The following KIAA1217 variants were observed in gnomAD, a reference collection of about 807,000 sequenced individuals.
KIAA1217 encodes the protein KIAA1217, also known as sickle tail protein homolog.
In KIAA1217, 88 loss-of-function variants were observed where a neutral mutation model predicts 163.9. That is an observed-to-expected ratio of 0.54 (90% CI 0.45 to 0.64). KIAA1217 has a LOEUF of 0.64. KIAA1217 is among the 30% of genes least tolerant of loss of function. KIAA1217 has a pLI of 0.00. For missense variants in KIAA1217, 2,372 were observed against 2,475.0 expected, an observed-to-expected ratio of 0.96 and a Z score of 0.88; for synonymous variants, 903 against 923.1, an observed-to-expected ratio of 0.98 and a Z score of 0.39.
chr10:24,310,478 A>G (rs1257286511), intron 2 of KIAA1217, among the ~76,000 whole-genome samples: 8 of 152,216 alleles, frequency 5.3e-5, no homozygotes. Context: ...AGAACCCCAG[A>G]GTTTTTATTT....
At chr10:24,005,054 G>T (rs948209067) in intron 1 of KIAA1217, among the ~76,000 whole-genome samples, 1 of 152,202 alleles carries the variant, frequency 6.6e-6, no homozygotes, top group Admixed American at 6.5e-5. Context: ...ACTATTACAC[G>T]CACAGAAAAA....
intron 6 of KIAA1217, among the ~76,000 whole-genome samples, chr10:24,486,871 G>A (rs935449606): frequency 2.6e-5 from 4 of 152,012 alleles, no homozygotes; most frequent in Non-Finnish European, 4.4e-5. Flanking sequence ...TAACCTCCAC[G>A]TAAGCAAGGA....
At chr10:23,765,660 C>T (rs1301594939) in intron 1 of KIAA1217, among the ~76,000 whole-genome samples, 2 of 152,128 alleles carry the variant, frequency 1.3e-5, no homozygotes, top group Non-Finnish European at 2.9e-5. Context: ...TGAGTGAGTT[C>T]TCACAAGATC....
intron 2 of KIAA1217, among the ~76,000 whole-genome samples, chr10:24,178,742 G>A (rs939942064): frequency 5.9e-5 from 9 of 152,156 alleles, no homozygotes; most frequent in Non-Finnish European, 1.2e-4. Context: ...AAGTGGCTCT[G>A]TGATATGACA....
chr10:24,227,931 C>T (rs1232707437), intron 2 of KIAA1217, among the ~76,000 whole-genome samples: 1 of 152,130 alleles, frequency 6.6e-6, no homozygotes, highest in Non-Finnish European at 1.5e-5. Flanking sequence ...GCCCCTCAGG[C>T]TTCCTTAGGG....
Position 24,543,843 on chromosome 10 carries a change from T to G in KIAA1217, c.4573T>G (p.Ser1525Ala). ...GGTGGAAACAAAGTCACAGCCACAC[T>G]CCCTGGCCACAGAGACCAGAAACCC... is the stretch of plus-strand genomic sequence containing the variant. ...QQVETKSQPH[S>A]LATETRNPGG... is the part of the protein sequence containing the mutation. Residue 1525 changes from serine to alanine, a missense_variant, in exon 19 of 21, where the codon TCC (serine) becomes GCC (alanine). Physicochemically the swap from Ser to Ala is moderately conservative, Grantham distance 99. Coordinates refer to ENST00000376454, the MANE Select transcript of KIAA1217 (RefSeq NM_019590.5). The G allele has an allele frequency of 6.2e-7, 1 of 1,613,680 alleles. No homozygotes were observed. Among genetic ancestry groups the G allele is most frequent in the Non-Finnish European group, 8.5e-7 (1 of 1,179,980 alleles).
chr10:23,875,876 A>G (rs1453041606), intron 1 of KIAA1217, among the ~76,000 whole-genome samples: 1 of 147,680 alleles, frequency 6.8e-6, no homozygotes, highest in Non-Finnish European at 1.5e-5. Flanking sequence ...GCATGTCCTC[A>G]CTCATAGGTG....
chr10:24,087,543 G>A (rs192516871), intron 2 of KIAA1217, among the ~76,000 whole-genome samples: 1 of 152,260 alleles, frequency 6.6e-6, no homozygotes, highest in East Asian at 1.9e-4. Flanking sequence ...AGAGTGCTTG[G>A]CAAACATAAT....
intron 1 of KIAA1217, among the ~76,000 whole-genome samples, chr10:23,792,849 T>A (rs979464199): frequency 2.0e-5 from 3 of 152,084 alleles, no homozygotes; most frequent in African/African-American, 7.2e-5. Context: ...ACTCTAAGCT[T>A]CTGTGGCCTT....
chr10:23,885,320 A>G (rs1326528824), intron 1 of KIAA1217, among the ~76,000 whole-genome samples: 1 of 151,936 alleles, frequency 6.6e-6, no homozygotes, highest in African/African-American at 2.4e-5. Flanking sequence ...TCTACGGTAC[A>G]ATATTATTAA....
intron 2 of KIAA1217, among the ~76,000 whole-genome samples, chr10:24,303,294 G>A (rs1299725956): frequency 1.3e-5 from 2 of 152,138 alleles, no homozygotes; most frequent in South Asian, 2.1e-4. Context: ...AGGATTACAG[G>A]CATGAGCCAC....
chr10:23,870,593 G>T (rs1455218325), intron 1 of KIAA1217, among the ~76,000 whole-genome samples: 1 of 152,098 alleles, frequency 6.6e-6, no homozygotes, highest in Non-Finnish European at 1.5e-5. Flanking sequence ...TGTTTATTCT[G>T]TGCTAAGCAG....
rs112052683 is a variant in KIAA1217 at position 23,835,438 on chromosome 10, C to G, written c.-321+140204C>G. ...GGCATATTTATTCCCAGGAGATAAC[C>G]CCTCCACCCCCTGCTAGCATCTGCA... On this transcript the variant is annotated intron_variant, in intron 1 of 18. Coordinates refer to the KIAA1217 transcript ENST00000376462. 5.2e-3 allele frequency among the ~76,000 whole-genome samples: 790 copies of G among 152,146 alleles called. 11 individuals carry two copies. The highest frequency in any genetic ancestry group is 0.017 in the African/African-American group (713 of 41,500).
chr10:23,799,006 CTG>C (rs1222468432), intron 1 of KIAA1217, among the ~76,000 whole-genome samples: 8 of 152,160 alleles, frequency 5.3e-5, no homozygotes, highest in Admixed American at 2.0e-4. Context: ...CCTCTGAGGA[CTG>C]TGAGAGAGAA....
chr10:23,741,322 A>G (rs1025752251), intron 1 of KIAA1217, among the ~76,000 whole-genome samples: 4 of 152,168 alleles, frequency 2.6e-5, no homozygotes, highest in African/African-American at 9.7e-5. Flanking sequence ...CCATGCCTCA[A>G]GTCACCGTAG....
chr10:24,192,159 G>A (rs763861635), intron 2 of KIAA1217, among the ~76,000 whole-genome samples: 9 of 152,218 alleles, frequency 5.9e-5, no homozygotes, highest in African/African-American at 9.6e-5. Context: ...TTATGCATAC[G>A]TCTGGTGAAG....
chr10:23,856,674 T>A lies in KIAA1217; in HGVS notation c.-320-150551T>A, dbSNP rs183946006. Among the ~76,000 whole-genome samples, 90 of 152,392 alleles carry A rather than the reference T, an allele frequency of 5.9e-4. 1 individual carries two copies. The highest frequency in any genetic ancestry group is 2.2e-3 in the African/African-American group (90 of 41,608). ...GTGGTGGGCACCACCCAGTTCGAGC[T>A]TCCCCACTGCTTTGTTTACCTAAGC... On this transcript the variant is annotated intron_variant, in intron 1 of 18. Transcript: ENST00000376462.
At chr10:24,346,674 G>A (rs1041402280) in intron 2 of KIAA1217, among the ~76,000 whole-genome samples, 16 of 144,626 alleles carry the variant, frequency 1.1e-4, no homozygotes, top group African/African-American at 2.3e-4. Context: ...GCATTCAAGC[G>A]ATTCTTGTGC....
intron 2 of KIAA1217, among the ~76,000 whole-genome samples, chr10:24,380,651 AATAC>A (rs953405233): frequency 1.6e-5 from 2 of 127,048 alleles, no homozygotes; most frequent in Non-Finnish European, 3.5e-5. Flanking sequence ...TAAATAAATA[AATAC>A]AATGGAACAC....
Sources: gnomAD v4.1 joint callset for allele counts (sites outside exome capture counted in the v4.1 genomes callset) on GRCh38, gnomAD v4.1.1 for gene constraint, MANE v1.5 for transcripts, NCBI Gene and HGNC (gene_info 2026-07-23, HGNC 2026-07-21) for gene names.